Variants in BAAT observed in about 807,000 individuals in gnomAD.
BAAT encodes the protein bile acid CoA: amino acid N-acyltransferase (glycine N-choloyltransferase).
Under a neutral mutation model 18.9 loss-of-function variants are expected in BAAT, and 13 were observed. That is an observed-to-expected ratio of 0.69 (90% CI 0.45 to 1.10). BAAT has a LOEUF of 1.10. Among genes scored for constraint, BAAT ranks in the 50% least tolerant of loss-of-function variants. The pLI is 0.00. For missense variants in BAAT, 489 were observed against 504.0 expected, an observed-to-expected ratio of 0.97 and a Z score of 0.28; for synonymous variants, 170 against 190.7, an observed-to-expected ratio of 0.89 and a Z score of 0.89.
intron 2 of BAAT, among the ~76,000 whole-genome samples, chr9:101,370,147 T>C (rs576626705): frequency 2.5e-4 from 38 of 152,042 alleles, no homozygotes; most frequent in Non-Finnish European, 4.9e-4. Flanking sequence ...ATCTGGGATA[T>C]GGTTTCCATC....
chr9:101,364,680 A>G (rs1829796620), intron 3 of BAAT, among the ~76,000 whole-genome samples: 1 of 152,180 alleles, frequency 6.6e-6, no homozygotes, highest in African/African-American at 2.4e-5. Flanking sequence ...GGGAAATAAC[A>G]TAATAAGTCT....
In BAAT at chr9:101,361,609, G is replaced by A. The variant is rs1315488615; in HGVS notation, c.*819C>T. 2 of 152,696 alleles carry A rather than the reference G, an allele frequency of 1.3e-5. No individual in the cohort carries two copies. Among genetic ancestry groups the A allele is most frequent in the African/African-American group, 4.8e-5 (2 of 41,464 alleles). 9.5% of individuals were successfully genotyped at this position (152,696 alleles called of 1,614,324 possible). On this transcript the variant is annotated 3_prime_UTR_variant, in exon 4 of 4. Transcript: ENST00000259407. ...ATGACTGAAGAAATTCATTATGGAAGTACAGTGATAGTTGACCCAATCACT... is the reference window on the plus strand; with the variant it reads ...ATGACTGAAGAAATTCATTATGGAAATACAGTGATAGTTGACCCAATCACT...
At chr9:101,383,750 T>C (rs1830164236) in intron 1 of BAAT, among the ~76,000 whole-genome samples, 1 of 152,214 alleles carries the variant, frequency 6.6e-6, no homozygotes, top group South Asian at 2.1e-4. Flanking sequence ...CACATTATTT[T>C]AATAATTTTC....
At chr9:101,380,656 T>C (rs1694165465) in intron 1 of BAAT, among the ~76,000 whole-genome samples, 1 of 152,178 alleles carries the variant, frequency 6.6e-6, no homozygotes, top group East Asian at 1.9e-4. Context: ...CAAGCTCCCA[T>C]CAAAATTCAA....
At chr9:101,368,419 TA>T in intron 2 of BAAT, 97 bp from the exon 3 acceptor site, 2 of 1,063,438 alleles carry the variant, frequency 1.9e-6, no homozygotes, top group South Asian at 3.3e-5. Context: ...GATTAGATAA[TA>T]AAAGATAAAA....
rs1829738723 is a variant in BAAT at position 101,362,250 on chromosome 9, G to A, written c.*178C>T. 6 of 655,956 alleles carry A rather than the reference G, an allele frequency of 9.1e-6. No individual in the cohort carries two copies. In the Middle Eastern group the frequency reaches 1.2e-3, roughly 136 times the overall value. 40.6% of individuals were successfully genotyped at this position (655,956 alleles called of 1,614,324 possible). ...TGATTTATTCACCATGTCCAGTTTGGTTAGCTTGTTATGCAGTATAAGTGA... is the reference window on the plus strand; with the variant it reads ...TGATTTATTCACCATGTCCAGTTTGATTAGCTTGTTATGCAGTATAAGTGA... On this transcript the variant is annotated 3_prime_UTR_variant, in exon 4 of 4. Transcript: ENST00000259407.
intron 3 of BAAT, among the ~76,000 whole-genome samples, chr9:101,367,609 G>A (rs1398475076): frequency 1.3e-5 from 2 of 151,378 alleles, no homozygotes; most frequent in East Asian, 3.9e-4. Flanking sequence ...CTCAGCCCCT[G>A]CTAAGTAAGT....
At chr9:101,380,752 G>A (rs1230233744) in intron 1 of BAAT, among the ~76,000 whole-genome samples, 1 of 152,080 alleles carries the variant, frequency 6.6e-6, no homozygotes, top group Non-Finnish European at 1.5e-5. Flanking sequence ...ACGTGTATGT[G>A]TATTTGCTTT....
In BAAT at chr9:101,362,726, A is replaced by T. The variant is rs1216450652; in HGVS notation, c.959T>A (p.Phe320Tyr). The change falls in exon 4 of 4, where the codon TTC becomes TAC. Residue 320 changes from phenylalanine to tyrosine, a missense_variant. By Grantham distance (22) the Phe-to-Tyr change is conservative. Coordinates refer to ENST00000259407, the MANE Select transcript of BAAT (RefSeq NM_001701.4). ...LFPIEEAQGQ[F>Y]LFIVGEGDKT... ...ATCACCTTCTCCTACAATGAAGAGG[A>T]ATTGCCCCTGGGCCTCTTCAATAGG... 1 of 1,614,082 alleles carries T rather than the reference A, an allele frequency of 6.2e-7. No homozygotes were observed. Among genetic ancestry groups the T allele is most frequent in the African/African-American group, 1.3e-5 (1 of 74,928 alleles).
chr9:101,366,713 A>G (rs1829834697), intron 3 of BAAT, among the ~76,000 whole-genome samples: 2 of 152,220 alleles, frequency 1.3e-5, no homozygotes, highest in Non-Finnish European at 2.9e-5. Context: ...TATATGCATC[A>G]AAAATAGCCA....
At position 101,371,450 on chromosome 9, in the gene BAAT, C is replaced by G; in HGVS notation, c.-46G>C. 6.7e-7 allele frequency: 1 copy of G among 1,492,026 alleles called. No individual in the cohort carries two copies. The highest frequency in any genetic ancestry group is 9.2e-7 in the Non-Finnish European group (1 of 1,087,916). 92.4% of individuals were successfully genotyped at this position (1,492,026 alleles called of 1,614,324 possible). ...GATGATTCTTCAGGAATATCTTCAG[C>G]AAAACCTCAAAACCTCAAAAAAGAA... On this transcript the variant is annotated 5_prime_UTR_variant, in exon 2 of 4. Transcript: ENST00000259407.
At chr9:101,376,469 TCCTC>T (rs1830048731) in intron 1 of BAAT, 1 of 153,530 alleles carries the variant, frequency 6.5e-6, no homozygotes, top group Non-Finnish European at 1.5e-5. Context: ...TATGCTTCTT[TCCTC>T]CCTGTCAATT....
intron 1 of BAAT, among the ~76,000 whole-genome samples, chr9:101,378,348 A>C (rs1226146): frequency 0.4 from 61,203 of 151,938 alleles, 13,821 homozygotes; most frequent in African/African-American, 0.62. Context: ...GCTACAGTAA[A>C]CAAAACAGCA....
At chr9:101,382,074 C>G (rs1230785909) in intron 1 of BAAT, among the ~76,000 whole-genome samples, 3 of 152,122 alleles carry the variant, frequency 2.0e-5, no homozygotes, top group African/African-American at 7.2e-5. Flanking sequence ...CATATTGTTA[C>G]AGTAGGTAGC....
At chr9:101,370,848 T>C (rs1253306615) in intron 2 of BAAT, 91 bp downstream of exon 2, 6 of 1,364,942 alleles carry the variant, frequency 4.4e-6, no homozygotes, top group Non-Finnish European at 6.3e-6. Context: ...ACCAGAGTAA[T>C]TCTACAAGCT....
chr9:101,363,843 A>G (rs898960244), intron 3 of BAAT, among the ~76,000 whole-genome samples: 2 of 152,152 alleles, frequency 1.3e-5, no homozygotes, highest in African/African-American at 2.4e-5. Flanking sequence ...GTGAGACCCT[A>G]TCTCTACAAA....
intron 3 of BAAT, among the ~76,000 whole-genome samples, chr9:101,366,499 T>C (rs1218224465): frequency 6.6e-6 from 1 of 152,124 alleles, no homozygotes; most frequent in Non-Finnish European, 1.5e-5. Context: ...GAAAAAAATC[T>C]GGTTTCCAGG....
chr9:101,370,823 A>T, intron 2 of BAAT, 116 bp downstream of exon 2: 1 of 1,212,552 alleles, frequency 8.2e-7, no homozygotes, highest in Non-Finnish European at 1.2e-6. Context: ...AGGTGGAAAA[A>T]CAATAATAAC....
At position 101,371,365 on chromosome 9, in the gene BAAT, C is replaced by T. The variant is rs757996766; in HGVS notation, c.40G>A (p.Asp14Asn). The change falls in exon 2 of 4, where the codon GAT becomes AAT. Residue 14 changes from aspartate to asparagine, a missense_variant. Coordinates refer to ENST00000259407, the MANE Select transcript of BAAT (RefSeq NM_001701.4). ...LTATPVSALV[D>N]EPVHIRATGL... ...GTAGCTCGGATATGCACTGGCTCAT[C>T]AACAAGTGCACTCACAGGGGTAGCT... The T allele has an allele frequency of 6.2e-7, 1 of 1,613,096 alleles. No individual in the cohort carries two copies. Among genetic ancestry groups the T allele is most frequent in the African/African-American group, 1.3e-5 (1 of 75,038 alleles).
Sources: gnomAD v4.1 joint callset for allele counts (sites outside exome capture counted in the v4.1 genomes callset) on GRCh38, gnomAD v4.1.1 for gene constraint, MANE v1.5 for transcripts, NCBI Gene and HGNC (gene_info 2026-07-23, HGNC 2026-07-21) for gene names.